Variants in WDR74 observed in about 807,000 individuals in gnomAD.
The protein encoded by WDR74 is WD repeat-containing protein 74.
WDR74 carries 31 observed loss-of-function variants against 45.6 expected under a neutral mutation model. The observed-to-expected ratio is 0.68, with a 90% CI of 0.51 to 0.92. The LOEUF (loss-of-function observed/expected upper bound fraction) is 0.92. Among genes scored for constraint, WDR74 ranks in the 40% least tolerant of loss-of-function variants. The pLI is 0.00. For synonymous variants in WDR74, 191 were observed against 192.4 expected, an observed-to-expected ratio of 0.99 and a Z score of 0.06; for missense variants, 455 against 497.2, an observed-to-expected ratio of 0.92 and a Z score of 0.81.
chr11:62,841,723 A>T (rs541781945), upstream of WDR74: 1 of 152,188 alleles, frequency 6.6e-6, no homozygotes, highest in Non-Finnish European at 1.5e-5. Context: ...CATTTAATAT[A>T]TTGTCCTCGG....
At chr11:62,836,417 ATGTCTAGCATCTGGCTGTACTGGTC>A (rs2084960702) in intron 3 of WDR74, 1 of 256,830 alleles carries the variant, frequency 3.9e-6, no homozygotes, top group Admixed American at 4.9e-5. Flanking sequence ...GTTCACAGCT[ATGTCTAGCATCTGGCTGTACTGGTC>A]TGTCTGAATC....
At position 62,834,453 on chromosome 11, in the gene WDR74, T is replaced by C. The variant is rs1396011903; in HGVS notation, c.693A>G (p.Thr231=). 1 of 1,469,116 alleles carries C rather than the reference T, an allele frequency of 6.8e-7. No individual in the cohort carries two copies. The highest frequency in any genetic ancestry group is 9.1e-7 in the Non-Finnish European group (1 of 1,093,806). 91.0% of individuals were successfully genotyped at this position (1,469,116 alleles called of 1,614,324 possible). A position where few individuals can be genotyped will look rare whatever the true frequency, so the allele number is the denominator to read the frequency against. Residue 231 remains threonine (T), a synonymous_variant, in exon 7 of 11, where the codon ACA becomes ACG. Transcript: ENST00000278856. The part of the protein sequence containing the change: ...LETTYGEYPL[T]AMTLTPGGNS... ...TGCCTCCCGGAGTGAGGGTCATGGCTGTTAGTGGGTACTCTCCATAGGTGG... is the reference window on the plus strand; with the variant it reads ...TGCCTCCCGGAGTGAGGGTCATGGCCGTTAGTGGGTACTCTCCATAGGTGG...
At chr11:62,841,633 T>TA (rs1428467187), upstream of WDR74, 5 of 152,220 alleles carry the variant, frequency 3.3e-5, no homozygotes, top group African/African-American at 7.2e-5. Context: ...AGTGCACCGT[T>TA]CCTGGAAGTA....
chr11:62,841,548 A>C (rs776380066), upstream of WDR74: 10 of 151,242 alleles, frequency 6.6e-5, no homozygotes, highest in East Asian at 1.9e-4. Context: ...AACAACAAGA[A>C]CATAACTATT....
upstream of WDR74, among the ~76,000 whole-genome samples, chr11:62,840,572 C>T (rs1002588974): frequency 1.3e-5 from 2 of 152,034 alleles, no homozygotes; most frequent in Non-Finnish European, 2.9e-5. Flanking sequence ...ACAGTAATAG[C>T]GCATGCGTAA....
At chr11:62,834,080 G>A (rs2084921758) in intron 8 of WDR74, 143 bp from the exon 9 acceptor site, 8 of 1,420,608 alleles carry the variant, frequency 5.6e-6, no homozygotes, top group South Asian at 2.7e-5. Context: ...TTTCCATTTC[G>A]CAGGTGAGGA....
intron 3 of WDR74, 197 bp from the exon 4 acceptor site, chr11:62,836,233 G>GCT (rs1249060089): frequency 5.3e-6 from 3 of 567,950 alleles, no homozygotes; most frequent in Non-Finnish European, 9.3e-6. Context: ...AGGTCACTGG[G>GCT]CTCTAGGCAG....
At position 62,835,996 on chromosome 11, in the gene WDR74, A is replaced by C. The variant is rs1158523216; in HGVS notation, c.334T>G (p.Trp112Gly). ...GATGTGTCCTTGTCCTTGTCATGCC[A>C]GACTCTGAGAATCCCAGAATCCACA... ...TCVDSGILRVWHDKDKDTSSD... is the reference protein window; with the variant it reads ...TCVDSGILRVGHDKDKDTSSD... Residue 112 changes from tryptophan (W) to glycine (G), a missense_variant, in exon 4 of 11, where the codon TGG (tryptophan) becomes GGG (glycine). Trp to Gly is a radical substitution (Grantham distance 184). Transcript: ENST00000278856. The C allele has an allele frequency of 6.3e-7, 1 of 1,597,868 alleles. No individual in the cohort carries two copies. The highest frequency in any genetic ancestry group is 8.5e-7 in the Non-Finnish European group (1 of 1,172,180).
upstream of WDR74, chr11:62,841,676 G>C (rs557339235): frequency 6.6e-5 from 10 of 152,186 alleles, no homozygotes; most frequent in South Asian, 2.1e-4. Context: ...GGAGTGGACG[G>C]AGCAAGCTCC....
intron 3 of WDR74, among the ~76,000 whole-genome samples, chr11:62,838,483 G>A (rs1167947339): frequency 1.3e-5 from 2 of 151,656 alleles, no homozygotes; most frequent in Non-Finnish European, 2.9e-5. Context: ...TGACAAGCAG[G>A]CACAGTGGCT....
At chr11:62,841,637 G>C (rs886820184), upstream of WDR74, 5 of 152,210 alleles carry the variant, frequency 3.3e-5, no homozygotes, top group African/African-American at 1.2e-4. Context: ...CACCGTTCCT[G>C]GAAGTACTGC....
At chr11:62,838,403 T>C (rs2084990526) in intron 3 of WDR74, among the ~76,000 whole-genome samples, 1 of 151,018 alleles carries the variant, frequency 6.6e-6, no homozygotes, top group Admixed American at 6.6e-5. Context: ...GATCCACCTA[T>C]CTCGGCCTTC....
upstream of WDR74, chr11:62,841,587 TCCA>T (rs2085057417): frequency 6.6e-6 from 1 of 152,182 alleles, no homozygotes; most frequent in Non-Finnish European, 1.5e-5. Context: ...ATCGAAATCT[TCCA>T]TTAAACAACG....
In WDR74 at chr11:62,833,661, G is replaced by T; in HGVS notation, c.935C>A (p.Ser312Tyr). The T allele has an allele frequency of 6.4e-7, 1 of 1,554,854 alleles. No individual in the cohort carries two copies. The highest frequency in any genetic ancestry group is 8.7e-7 in the Non-Finnish European group (1 of 1,148,778). Residue 312 changes from serine (S) to tyrosine (Y), a missense_variant, in exon 10 of 11, where the codon TCT becomes TAT. By Grantham distance (144) the Ser-to-Tyr change is moderately radical. Transcript: ENST00000278856. ...TGACAAGAGGAGGCAGTTCAATTGA[G>T]ACTTGAGATAAACCTGCAAAAGATG... is the stretch of plus-strand genomic sequence containing the variant. ...RGLEHKVYLKSQLNCLLLSGR... is the reference protein window; with the variant it reads ...RGLEHKVYLKYQLNCLLLSGR...
intron 3 of WDR74, among the ~76,000 whole-genome samples, chr11:62,838,254 G>C (rs2084987611): frequency 6.6e-6 from 1 of 152,076 alleles, no homozygotes; most frequent in Non-Finnish European, 1.5e-5. Flanking sequence ...ACGGATTCAA[G>C]CGATTCTCCA....
At chr11:62,838,666 G>A (rs1248804717) in intron 3 of WDR74, among the ~76,000 whole-genome samples, 1 of 151,592 alleles carries the variant, frequency 6.6e-6, no homozygotes, top group Non-Finnish European at 1.5e-5. Context: ...GCTGAGGCAG[G>A]AGTATCGCTT....
rs1233972441 is a variant in WDR74, at chr11:62,833,828, T to G, written c.885A>C (p.Ile295=). 4 of 1,613,948 alleles carry G rather than the reference T, an allele frequency of 2.5e-6. No individual in the cohort carries two copies. In the Admixed American group the frequency reaches 6.7e-5, roughly 27 times the overall value. The change falls in exon 9 of 11, where the codon ATA becomes ATC. Residue 295 remains isoleucine, a synonymous_variant. Coordinates refer to ENST00000278856, the MANE Select transcript of WDR74 (RefSeq NM_001369450.1). ...ASCGLDRVLR[I]HRIQNPRGLE... ...GACCCCGTGGATTCTGGATCCTGTGTATCCTCAAGACTCTGTCCAAGCCAC... is the reference window on the plus strand; with the variant it reads ...GACCCCGTGGATTCTGGATCCTGTGGATCCTCAAGACTCTGTCCAAGCCAC...
At chr11:62,841,176 G>C (rs531055740), upstream of WDR74, among the ~76,000 whole-genome samples, 3 of 152,308 alleles carry the variant, frequency 2.0e-5, no homozygotes, top group South Asian at 4.1e-4. Flanking sequence ...AATTCGCTGG[G>C]CGTGGTGGCG....
At chr11:62,835,647 A>G in intron 5 of WDR74, 48 bp downstream of exon 5, 1 of 1,613,872 alleles carries the variant, frequency 6.2e-7, no homozygotes, top group Non-Finnish European at 8.5e-7. Context: ...CAGTGGCCTC[A>G]GCCTCCCTCG....
Sources: gnomAD v4.1 joint callset for allele counts (sites outside exome capture counted in the v4.1 genomes callset) on GRCh38, gnomAD v4.1.1 for gene constraint, MANE v1.5 for transcripts, NCBI Gene and HGNC (gene_info 2026-07-23, HGNC 2026-07-21) for gene names.